KAZN: variants seen among roughly 807,000 people sequenced by gnomAD.
KAZN encodes kazrin.
Under a neutral mutation model 87.4 loss-of-function variants are expected in KAZN, and 40 were observed. The observed-to-expected ratio is 0.46, with a 90% CI of 0.36 to 0.60. KAZN has a LOEUF of 0.60. KAZN is among the 20% of genes least tolerant of loss of function. KAZN has a pLI of 0.00. For missense variants in KAZN, 898 were observed against 1,073.9 expected (o/e 0.84, Z 2.29); for synonymous variants, 466 against 458.3 (o/e 1.02, Z -0.22).
chr1:14,114,017 G>T (rs1241202807), intron 1 of KAZN, among the ~76,000 whole-genome samples: 2 of 152,192 alleles, frequency 1.3e-5, no homozygotes, highest in Non-Finnish European at 2.9e-5. Flanking sequence ...GGCAGCAAAC[G>T]TCCAGGGGAG....
intron 1 of KAZN, chr1:14,924,260 C>G (rs1285514041): frequency 2.0e-6 from 2 of 981,912 alleles, no homozygotes; most frequent in Non-Finnish European, 2.4e-6. Flanking sequence ...CGGGGGCGGG[C>G]TCGGCTGCGC....
chr1:13,956,502 C>T (rs1476128737), intron 1 of KAZN, among the ~76,000 whole-genome samples: 1 of 151,810 alleles, frequency 6.6e-6, no homozygotes, highest in Admixed American at 6.6e-5. Flanking sequence ...TCAAAAGGAA[C>T]TTTTAGGAGA....
At chr1:15,092,074 T>TTA (rs1640569423) in intron 8 of KAZN, among the ~76,000 whole-genome samples, 6 of 97,648 alleles carry the variant, frequency 6.1e-5, no homozygotes, top group African/African-American at 2.6e-4. Flanking sequence ...TTTTTTTTGA[T>TTA]TTTTTTTTTT....
At chr1:14,439,867 C>G (rs1232566671) in intron 2 of KAZN, among the ~76,000 whole-genome samples, 1 of 152,196 alleles carries the variant, frequency 6.6e-6, no homozygotes, top group Non-Finnish European at 1.5e-5. Context: ...GCTCTACACT[C>G]TGTTGTCTGC....
intron 1 of KAZN, among the ~76,000 whole-genome samples, chr1:14,793,921 G>A (rs1645755107): frequency 6.6e-6 from 1 of 152,170 alleles, no homozygotes; most frequent in Non-Finnish European, 1.5e-5. Context: ...CCTGTTAGGG[G>A]CCCCATGAAA....
At chr1:14,719,177 A>G (rs990185552) in intron 1 of KAZN, among the ~76,000 whole-genome samples, 2 of 152,220 alleles carry the variant, frequency 1.3e-5, no homozygotes, top group East Asian at 3.8e-4. Context: ...CCAGCATACA[A>G]GGTAGTAGGC....
Position 14,497,623 on chromosome 1 carries a change from A to T in KAZN, c.250-101360A>T, listed in dbSNP as rs184783951. ...TTGAAACAGAGTAAAATAATAGGAC[A>T]TTTAATACTGCTTGTCAAAGACTAC... On this transcript the variant is annotated intron_variant, in intron 2 of 16. Coordinates refer to the KAZN transcript ENST00000636203. 3.3e-5 allele frequency among the ~76,000 whole-genome samples: 5 copies of T among 152,320 alleles called. No homozygotes were observed. The East Asian group carries it at 9.7e-4, about 29-fold the overall frequency.
chr1:15,008,800 G>A (rs979632816), intron 2 of KAZN, among the ~76,000 whole-genome samples: 2 of 145,250 alleles, frequency 1.4e-5, no homozygotes, highest in Admixed American at 6.6e-5. Context: ...GGGCAGAGGC[G>A]GCAAAGTCAT....
chr1:14,969,549 T>C lies in KAZN; in HGVS notation c.418+8674T>C, dbSNP rs147736272. Among the ~76,000 whole-genome samples, 1,187 of 152,356 alleles carry C rather than the reference T, an allele frequency of 7.8e-3. 19 individuals carry two copies. Among genetic ancestry groups the C allele is most frequent in the African/African-American group, 0.027 (1,128 of 41,596 alleles). ...TGGAAGCTTCCACAAAGTTTAACTC[T>C]ACAGACAGAATGTCTTCCTTACATA... On this transcript the variant is annotated intron_variant, in intron 2 of 14. Coordinates refer to ENST00000376030, the MANE Select transcript of KAZN (RefSeq NM_201628.3).
At chr1:14,527,488 G>A (rs920776402) in intron 2 of KAZN, among the ~76,000 whole-genome samples, 4 of 150,304 alleles carry the variant, frequency 2.7e-5, no homozygotes, top group African/African-American at 9.8e-5. Flanking sequence ...AGTGGGGGTT[G>A]CAGTGAGCTG....
chr1:14,883,341 A>AGAGAGAGAGAGAAAGAAAGAAAG lies in KAZN; in HGVS notation c.227-77341_227-77340insGAGAGAGAGAAAGAAAGAAAGGA, dbSNP rs1553150560. ...GAAAGAGAGAGAGAGAGAGAGAGAGAGAAAGAAAGAAAGAAAAGAAAGAAA... is the reference window on the plus strand; with the variant it reads ...GAAAGAGAGAGAGAGAGAGAGAGAGAGAGAGAGAGAGAAAGAAAGAAAGGAAAGAAAGAAAGAAAAGAAAGAAA... On this transcript the variant is annotated intron_variant, in intron 1 of 14. Coordinates refer to ENST00000376030, the MANE Select transcript of KAZN (RefSeq NM_201628.3). Among the ~76,000 whole-genome samples the AGAGAGAGAGAGAAAGAAAGAAAG allele has an allele frequency of 5.4e-4, 16 of 29,542 alleles. 3 individuals carry two copies. Among genetic ancestry groups the AGAGAGAGAGAGAAAGAAAGAAAG allele is most frequent in the South Asian group, 2.1e-3 (1 of 476 alleles). 19.4% of individuals were successfully genotyped at this position (29,542 alleles called of 152,430 possible). A position where few individuals can be genotyped will look rare whatever the true frequency, so the allele number is the denominator to read the frequency against.
chr1:14,640,275 T>C (rs1005677203), intron 1 of KAZN, among the ~76,000 whole-genome samples: 7 of 152,204 alleles, frequency 4.6e-5, no homozygotes, highest in African/African-American at 1.7e-4. Flanking sequence ...CCTGCTGGAA[T>C]ATGCTCTGAT....
chr1:14,992,507 G>A (rs1667450680), intron 2 of KAZN, among the ~76,000 whole-genome samples: 1 of 152,226 alleles, frequency 6.6e-6, no homozygotes, highest in African/African-American at 2.4e-5. Flanking sequence ...GCAAAGCCCA[G>A]TGGCCCCTCC....
chr1:14,996,919 C>T lies in KAZN; in HGVS notation c.418+36044C>T, dbSNP rs925978550. Among the ~76,000 whole-genome samples, 7 of 152,190 alleles carry T rather than the reference C, an allele frequency of 4.6e-5. No individual in the cohort carries two copies. The highest frequency in any genetic ancestry group is 1.4e-4 in the African/African-American group (6 of 41,460). On this transcript the variant is annotated intron_variant, in intron 2 of 14. Transcript: ENST00000376030. This position sits in a 1 kb window ranked among gnomAD's most constrained non-coding sequence, Gnocchi z 5.9. ...CTCACCGCCCCAGGAAGCTTAGTCA[C>T]GTTGCCTTTTCTGTTCCTCAAATGC...
chr1:14,683,783 C>G (rs1427288468), intron 1 of KAZN, among the ~76,000 whole-genome samples: 1 of 152,172 alleles, frequency 6.6e-6, no homozygotes, highest in Non-Finnish European at 1.5e-5. Context: ...GCAGTGCGTG[C>G]TTCCTCTCCA....
At chr1:14,093,479 T>C (rs867084453) in intron 1 of KAZN, among the ~76,000 whole-genome samples, 2 of 152,214 alleles carry the variant, frequency 1.3e-5, no homozygotes, top group African/African-American at 4.8e-5. Flanking sequence ...AGTTACTAAA[T>C]TAAATTCATT....
chr1:14,767,154 A>G (rs1390935232), intron 1 of KAZN, among the ~76,000 whole-genome samples: 1 of 152,168 alleles, frequency 6.6e-6, no homozygotes, highest in Non-Finnish European at 1.5e-5. Context: ...TAAGGGTTAA[A>G]CATCCCGTAA....
intron 2 of KAZN, among the ~76,000 whole-genome samples, chr1:14,553,024 C>T (rs1673638488): frequency 6.6e-6 from 1 of 152,158 alleles, no homozygotes; most frequent in African/African-American, 2.4e-5. Flanking sequence ...CCACAGGCCC[C>T]ATTATACAGA....
chr1:14,840,184 C>T (rs374173197), intron 1 of KAZN, among the ~76,000 whole-genome samples: 3 of 152,104 alleles, frequency 2.0e-5, no homozygotes, highest in South Asian at 2.1e-4. Context: ...CGGTGATTGC[C>T]GATTCAAGTA....
Sources: gnomAD v4.1 joint callset for allele counts (sites outside exome capture counted in the v4.1 genomes callset) on GRCh38, gnomAD v4.1.1 for gene constraint, Gnocchi (gnomAD v3.1) non-coding constraint, MANE v1.5 for transcripts, NCBI Gene and HGNC (gene_info 2026-07-23, HGNC 2026-07-21) for gene names.